Variants in TPP2 observed in about 807,000 individuals in gnomAD.
The protein encoded by TPP2 is tripeptidyl peptidase 2.
In TPP2, 34 loss-of-function variants were observed where a neutral mutation model predicts 155.9. That is an observed-to-expected ratio of 0.22 (90% CI 0.17 to 0.29). The LOEUF is 0.29. TPP2 is among the 10% of genes least tolerant of loss of function. TPP2 has a pLI of 1.00. For synonymous variants in TPP2, 510 were observed against 529.4 expected, an observed-to-expected ratio of 0.96 and a Z score of 0.50; for missense variants, 1,028 against 1,522.3, an observed-to-expected ratio of 0.68 and a Z score of 5.40.
intron 1 of TPP2, among the ~76,000 whole-genome samples, chr13:102,601,494 CT>C (rs1277863280): frequency 2.6e-5 from 4 of 152,218 alleles, no homozygotes; most frequent in Non-Finnish European, 5.9e-5. Flanking sequence ...AACTTAGATT[CT>C]TGACATTTTG....
At chr13:102,616,816 G>A (rs1356635352) in intron 4 of TPP2, among the ~76,000 whole-genome samples, 1 of 152,066 alleles carries the variant, frequency 6.6e-6, no homozygotes, top group African/African-American at 2.4e-5. Context: ...TTTTCCTTCC[G>A]AAAGACAACC....
chr13:102,677,000 G>A (rs574557496), intron 29 of TPP2, among the ~76,000 whole-genome samples: 1 of 152,150 alleles, frequency 6.6e-6, no homozygotes, highest in Non-Finnish European at 1.5e-5. Flanking sequence ...GGGGAGTTTG[G>A]TGGTGCCAGA....
intron 25 of TPP2, among the ~76,000 whole-genome samples, chr13:102,657,969 A>G (rs899013529): frequency 1.3e-5 from 2 of 152,162 alleles, no homozygotes; most frequent in Non-Finnish European, 2.9e-5. Context: ...ATCATTCGTT[A>G]TTAGTATAGC....
At chr13:102,675,418 A>C (rs180807972) in intron 28 of TPP2, among the ~76,000 whole-genome samples, 16 of 152,216 alleles carry the variant, frequency 1.1e-4, no homozygotes, top group Admixed American at 7.8e-4. Context: ...GCAACTTACA[A>C]AATTTTGATA....
At chr13:102,617,790 C>G (rs1477806843) in intron 4 of TPP2, among the ~76,000 whole-genome samples, 2 of 152,174 alleles carry the variant, frequency 1.3e-5, no homozygotes, top group Non-Finnish European at 1.5e-5. Context: ...TTTTAGTACT[C>G]TCTTATGACT....
intron 17 of TPP2, among the ~76,000 whole-genome samples, chr13:102,643,709 CTT>C (rs1370166684): frequency 6.6e-6 from 1 of 152,150 alleles, no homozygotes; most frequent in African/African-American, 2.4e-5. Context: ...TTGCTTGTCA[CTT>C]AACTTATTTT....
chr13:102,610,309 A>G (rs1007566927), intron 2 of TPP2, among the ~76,000 whole-genome samples: 1 of 151,542 alleles, frequency 6.6e-6, no homozygotes, highest in Non-Finnish European at 1.5e-5. Context: ...GCTCACTGCA[A>G]CCTCCGTCTC....
At chr13:102,648,428 A>ATGTGTGTGTG (rs1566355694) in intron 21 of TPP2, among the ~76,000 whole-genome samples, 30 of 103,938 alleles carry the variant, frequency 2.9e-4, no homozygotes, top group Admixed American at 7.6e-4. Flanking sequence ...CATAAGTTAC[A>ATGTGTGTGTG]CGTGTGTGTG....
chr13:102,640,380 G>A lies in TPP2; in HGVS notation c.2020+4G>A, dbSNP rs1466721322. 3.7e-6 allele frequency: 6 copies of A among 1,609,916 alleles called. No homozygotes were observed. Among genetic ancestry groups the A allele is most frequent in the Non-Finnish European group, 5.1e-6 (6 of 1,176,776 alleles). ...CCTGAGGGTGCAACATGGGCTGGTA[G>A]GTAAAATTAAAATCTGTGTGACCGC... On this transcript the variant is annotated splice_donor_region_variant and intron_variant, in intron 16 of 29. Transcript: ENST00000376052.
intron 2 of TPP2, among the ~76,000 whole-genome samples, chr13:102,608,991 TA>T (rs1210592405): frequency 6.6e-6 from 1 of 152,148 alleles, no homozygotes; most frequent in African/African-American, 2.4e-5. Flanking sequence ...ATAATATCAG[TA>T]TACACTATAT....
rs1471925369 is a variant in TPP2, at chr13:102,636,285, C to G, written c.1571C>G (p.Thr524Ser). Residue 524 changes from threonine (T) to serine (S), a missense_variant, in exon 13 of 30, where the codon ACT becomes AGT. Coordinates refer to ENST00000376052, the MANE Select transcript of TPP2 (RefSeq NM_001330588.2). ...NTSFANKLGF[T>S]VTVGNNRGIY... ...TCATTTGCTAATAAATTAGGTTTTA[C>G]TGTTACTGTTGGAAATAACCGTGGC... The G allele has an allele frequency of 6.2e-7, 1 of 1,613,766 alleles. No homozygotes were observed. The highest frequency in any genetic ancestry group is 2.2e-5 in the East Asian group (1 of 44,886).
intron 2 of TPP2, among the ~76,000 whole-genome samples, chr13:102,607,049 A>T (rs938559721): frequency 6.6e-6 from 1 of 152,206 alleles, no homozygotes; most frequent in South Asian, 2.1e-4. Context: ...AGCTCTTTCT[A>T]GGGCATATGA....
chr13:102,678,221 T>C lies in TPP2; in HGVS notation c.3700-6T>C. The C allele has an allele frequency of 6.2e-7, 1 of 1,607,674 alleles. No individual in the cohort carries two copies. On this transcript the variant is annotated splice_region_variant and splice_polypyrimidine_tract_variant and intron_variant, in intron 29 of 29. Coordinates refer to ENST00000376052, the MANE Select transcript of TPP2 (RefSeq NM_001330588.2). ...TATAATAATATATTATTGTATTTTG[T>C]TGTAGCTGATGAAGTTACTTGGATG... is the stretch of plus-strand genomic sequence containing the variant.
chr13:102,658,212 T>A (rs758976109), intron 25 of TPP2, among the ~76,000 whole-genome samples: 2 of 152,240 alleles, frequency 1.3e-5, no homozygotes, highest in African/African-American at 2.4e-5. Context: ...GCTGATATTC[T>A]ATGGGAATCC....
At chr13:102,600,782 TTTA>T in intron 1 of TPP2, among the ~76,000 whole-genome samples, 1 of 152,278 alleles carries the variant, frequency 6.6e-6, no homozygotes, top group South Asian at 2.1e-4. Context: ...TCACTAAAAT[TTTA>T]TTACCTCTCT....
chr13:102,640,369 A>G lies in TPP2; in HGVS notation c.2013A>G (p.Thr671=). The change falls in exon 16 of 30, where the codon ACA becomes ACG. Residue 671 remains threonine (T), a synonymous_variant. Transcript: ENST00000376052. ...RHFIEVPEGA[T]WAEVTVCSCS... ...TTATTGAGGTTCCTGAGGGTGCAACATGGGCTGGTAGGTAAAATTAAAATC... is the reference window on the plus strand; with the variant it reads ...TTATTGAGGTTCCTGAGGGTGCAACGTGGGCTGGTAGGTAAAATTAAAATC... The G allele has an allele frequency of 6.2e-7, 1 of 1,612,826 alleles. No individual in the cohort carries two copies. Among genetic ancestry groups the G allele is most frequent in the Non-Finnish European group, 8.5e-7 (1 of 1,179,044 alleles).
chr13:102,618,585 A>AT, intron 4 of TPP2, 137 bp from the exon 5 acceptor site: 1 of 1,117,072 alleles, frequency 9.0e-7, no homozygotes, highest in Non-Finnish European at 1.2e-6. Context: ...AGTTGCATAG[A>AT]TAGAACAAAA....
chr13:102,665,016 T>C (rs970936058), intron 27 of TPP2, 91 bp downstream of exon 27: 87 of 1,461,130 alleles, frequency 6.0e-5, no homozygotes, highest in Non-Finnish European at 7.9e-5. Context: ...GATATTGCTT[T>C]TCTGATGTTT....
At chr13:102,604,109 G>T (rs1186254684) in intron 1 of TPP2, among the ~76,000 whole-genome samples, 2 of 152,146 alleles carry the variant, frequency 1.3e-5, no homozygotes, top group Non-Finnish European at 1.5e-5. Context: ...AGAAAATCAG[G>T]TGGTGGGGGG....
Sources: allele counts gnomAD v4.1 joint callset (sites outside exome capture counted in the v4.1 genomes callset), GRCh38; gene constraint gnomAD v4.1.1; transcripts MANE v1.5; gene names NCBI Gene and HGNC (gene_info 2026-07-23, HGNC 2026-07-21).